Variants in RNF115 observed in about 807,000 individuals in gnomAD.
RNF115 encodes E3 ubiquitin-protein ligase RNF115.
RNF115 carries 31 observed loss-of-function variants against 39.2 expected under a neutral mutation model. That is an observed-to-expected ratio of 0.79 (90% CI 0.59 to 1.07). RNF115 has a LOEUF of 1.07. Ranked by LOEUF, RNF115 falls within the 50% of genes least tolerant of loss-of-function variation. The pLI is 0.00. For synonymous variants in RNF115, 124 were observed against 131.0 expected (o/e 0.95, Z 0.37); for missense variants, 384 against 381.7 (o/e 1.01, Z -0.05).
Position 145,740,033 on chromosome 1 carries a change from C to T in RNF115, c.*6833G>A, listed in dbSNP as rs1657642745. 6.6e-6 allele frequency: 1 copy of T among 152,194 alleles called. No homozygotes were observed. The highest frequency in any genetic ancestry group is 1.5e-5 in the Non-Finnish European group (1 of 68,036). 9.4% of individuals were successfully genotyped at this position (152,194 alleles called of 1,614,324 possible). ...ATTTGAGTTCTGACTCCAAAGTCTCCAAAGCTTTCTCCACTACATCACATT... is the reference window on the plus strand; with the variant it reads ...ATTTGAGTTCTGACTCCAAAGTCTCTAAAGCTTTCTCCACTACATCACATT... On this transcript the variant is annotated 3_prime_UTR_variant, in exon 9 of 9. Transcript: ENST00000582693.
In RNF115 at chr1:145,748,088, T is replaced by C. The variant is rs782530057; in HGVS notation, c.690A>G (p.Val230=). 3 of 1,612,924 alleles carry C rather than the reference T, an allele frequency of 1.9e-6. No individual in the cohort carries two copies. Among genetic ancestry groups the C allele is most frequent in the South Asian group, 1.1e-5 (1 of 91,062 alleles). ...EQVDMGLECP[V]CKEDYTVEEE... ...CTTCAACTGTGTAATCTTCTTTGCA[T>C]ACTGGACACTCTAAACCCATATCTG... Residue 230 remains valine (V), a synonymous_variant, in exon 8 of 9, where the codon GTA becomes GTG. Transcript: ENST00000582693.
intron 3 of RNF115, among the ~76,000 whole-genome samples, chr1:145,781,730 A>G (rs150083997): frequency 2.0e-5 from 3 of 152,296 alleles, no homozygotes; most frequent in Non-Finnish European, 2.9e-5. Flanking sequence ...TTACACAGCC[A>G]ATAAGTGGCA....
At chr1:145,762,823 A>G (rs1658585476) in intron 4 of RNF115, among the ~76,000 whole-genome samples, 1 of 152,206 alleles carries the variant, frequency 6.6e-6, no homozygotes, top group African/African-American at 2.4e-5. Flanking sequence ...TATTCTTTAC[A>G]TAGCCATAAA....
chr1:145,757,771 G>A (rs1321095439), intron 4 of RNF115, among the ~76,000 whole-genome samples: 2 of 151,728 alleles, frequency 1.3e-5, no homozygotes, highest in African/African-American at 4.8e-5. Flanking sequence ...TACCTGTTCA[G>A]AATCACTGCC....
chr1:145,758,595 G>A (rs1389311050), intron 4 of RNF115, among the ~76,000 whole-genome samples: 4 of 152,196 alleles, frequency 2.6e-5, no homozygotes, highest in African/African-American at 7.2e-5. Context: ...GACAAGAAGG[G>A]CAAATTATCT....
chr1:145,819,737 C>A (rs1341728689), intron 1 of RNF115, among the ~76,000 whole-genome samples: 1 of 152,148 alleles, frequency 6.6e-6, no homozygotes, highest in Non-Finnish European at 1.5e-5. Context: ...GAACCAGCAG[C>A]ACATTAAAAA....
In RNF115 at chr1:145,771,889, A is replaced by G. The variant is rs1478955537; in HGVS notation, c.250T>C (p.Phe84Leu). The G allele has an allele frequency of 2.5e-6, 4 of 1,613,990 alleles. No individual in the cohort carries two copies. The highest frequency in any genetic ancestry group is 3.4e-6 in the Non-Finnish European group (4 of 1,180,014). ...CTTAGAAAGGGTCTAAAATCTTGAAAAAACATCGTGTGATCCAAATGGCCC... is the reference window on the plus strand; with the variant it reads ...CTTAGAAAGGGTCTAAAATCTTGAAGAAACATCGTGTGATCCAAATGGCCC... ...LWGHLDHTMFFQDFRPFLSSS... is the reference protein window; with the variant it reads ...LWGHLDHTMFLQDFRPFLSSS... The change falls in exon 4 of 9, where the codon TTT becomes CTT. Residue 84 changes from phenylalanine (F) to leucine (L), a missense_variant. Phe to Leu is a conservative substitution (Grantham distance 22, BLOSUM62 0). Transcript: ENST00000582693.
At chr1:145,756,761 CCACAACCTCT>C (rs1658308196) in intron 4 of RNF115, among the ~76,000 whole-genome samples, 1 of 150,686 alleles carries the variant, frequency 6.6e-6, no homozygotes, top group Admixed American at 6.6e-5. Context: ...TGTATGCCCC[CCACAACCTCT>C]GCCTCTGTCA....
intron 3 of RNF115, among the ~76,000 whole-genome samples, chr1:145,780,806 C>T (rs1648108855): frequency 6.6e-6 from 1 of 152,020 alleles, no homozygotes; most frequent in South Asian, 2.1e-4. Flanking sequence ...AGCCATGTAT[C>T]TTATTTTCTC....
intron 3 of RNF115, among the ~76,000 whole-genome samples, chr1:145,777,943 T>C (rs978913296): frequency 1.3e-5 from 2 of 152,176 alleles, no homozygotes; most frequent in Non-Finnish European, 1.5e-5. Context: ...CTCAATGAGT[T>C]GAACAGTTAC....
At chr1:145,777,072 T>C (rs782640782) in intron 3 of RNF115, among the ~76,000 whole-genome samples, 2 of 152,180 alleles carry the variant, frequency 1.3e-5, no homozygotes, top group Non-Finnish European at 2.9e-5. Flanking sequence ...TTGTCTTCAA[T>C]AAGTGAAAAA....
At chr1:145,755,112 C>T (rs1346004113) in intron 4 of RNF115, among the ~76,000 whole-genome samples, 1 of 151,912 alleles carries the variant, frequency 6.6e-6, no homozygotes, top group South Asian at 2.1e-4. Flanking sequence ...ATTAGTGGCA[C>T]GTGCCTATAG....
At chr1:145,811,909 A>AAAAAAAAAATG (rs1649736978) in intron 1 of RNF115, among the ~76,000 whole-genome samples, 1 of 76,564 alleles carries the variant, frequency 1.3e-5, no homozygotes, top group African/African-American at 5.0e-5. Context: ...AAAAAAAAAA[A>AAAAAAAAAATG]TATATATATA....
chr1:145,789,999 C>T (rs1478574239), intron 1 of RNF115, among the ~76,000 whole-genome samples: 1 of 151,860 alleles, frequency 6.6e-6, no homozygotes, highest in Middle Eastern at 3.2e-3. Context: ...CGCCCAGTCC[C>T]GGCCTAGTTT....
At chr1:145,768,548 T>G (rs1364558276) in intron 4 of RNF115, among the ~76,000 whole-genome samples, 1 of 152,156 alleles carries the variant, frequency 6.6e-6, no homozygotes, top group African/African-American at 2.4e-5. Context: ...ACTCCTGACC[T>G]CAAGTGATCC....
intron 2 of RNF115, among the ~76,000 whole-genome samples, chr1:145,788,227 G>A (rs868977665): frequency 5.9e-5 from 9 of 151,526 alleles, no homozygotes; most frequent in African/African-American, 1.7e-4. Flanking sequence ...AATTACAGGC[G>A]CCCGCCACTA....
chr1:145,770,876 C>T (rs1357038852), intron 4 of RNF115, among the ~76,000 whole-genome samples: 1 of 152,146 alleles, frequency 6.6e-6, no homozygotes, highest in Non-Finnish European at 1.5e-5. Flanking sequence ...TACAGTGTCC[C>T]ATACAAAAGA....
At chr1:145,786,912 G>C (rs1648406431) in intron 2 of RNF115, 1 of 465,618 alleles carries the variant, frequency 2.1e-6, no homozygotes, top group African/African-American at 2.0e-5. Context: ...ACATTTAACT[G>C]TATCAAAATA....
At chr1:145,767,381 C>G (rs1647379898) in intron 4 of RNF115, among the ~76,000 whole-genome samples, 1 of 150,526 alleles carries the variant, frequency 6.6e-6, no homozygotes. Flanking sequence ...GACGGGGTGG[C>G]AGGGCAGAGG....
Sources: gnomAD v4.1 joint callset for allele counts (sites outside exome capture counted in the v4.1 genomes callset) on GRCh38, gnomAD v4.1.1 for gene constraint, MANE v1.5 for transcripts, NCBI Gene and HGNC (gene_info 2026-07-23, HGNC 2026-07-21) for gene names.